CDYL: variants seen among roughly 807,000 people sequenced by gnomAD.
The protein encoded by CDYL is chromodomain Y-like protein.
In CDYL, 8 loss-of-function variants were observed where a neutral mutation model predicts 47.3. The ratio of observed to expected loss-of-function variants is 0.17; its 90% CI spans 0.10 to 0.31. The LOEUF is 0.31. CDYL is among the 10% of genes least tolerant of loss of function. The pLI, the probability that CDYL is intolerant of heterozygous loss-of-function variation, is 1.00. For missense variants in CDYL, 471 were observed against 701.4 expected, an observed-to-expected ratio of 0.67 and a Z score of 3.71; for synonymous variants, 266 against 265.0, an observed-to-expected ratio of 1.00 and a Z score of -0.04.
chr6:4,881,557 T>C (rs1351957629), intron 1 of CDYL, among the ~76,000 whole-genome samples: 1 of 152,210 alleles, frequency 6.6e-6, no homozygotes, highest in East Asian at 1.9e-4. Context: ...TACCACCTTA[T>C]GTAAAGCAGA....
intron 2 of CDYL, chr6:4,928,609 G>C (rs1461489612): frequency 1.3e-5 from 2 of 151,564 alleles, no homozygotes; most frequent in Non-Finnish European, 2.9e-5. Flanking sequence ...GTCTAGTCAG[G>C]GTTAAGTTAT....
intron 2 of CDYL, among the ~76,000 whole-genome samples, chr6:4,731,988 T>C (rs1021885347): frequency 6.6e-6 from 1 of 152,178 alleles, no homozygotes; most frequent in Non-Finnish European, 1.5e-5. Flanking sequence ...ATGTGTGAAA[T>C]ACAAATTTTA....
intron 1 of CDYL, among the ~76,000 whole-genome samples, chr6:4,838,551 C>T (rs1434696736): frequency 6.6e-6 from 1 of 152,116 alleles, no homozygotes; most frequent in Non-Finnish European, 1.5e-5. Flanking sequence ...TACTTGTTGA[C>T]TGATAAGTAT....
At chr6:4,765,060 C>T (rs1044346460) in intron 3 of CDYL, among the ~76,000 whole-genome samples, 3 of 152,110 alleles carry the variant, frequency 2.0e-5, no homozygotes, top group African/African-American at 4.8e-5. Context: ...TGGTGGCTCA[C>T]GCCTGTAATC....
chr6:4,739,538 T>TAAC (rs1561832120), intron 3 of CDYL, among the ~76,000 whole-genome samples: 2 of 142,274 alleles, frequency 1.4e-5, no homozygotes, highest in Non-Finnish European at 1.5e-5. Context: ...AAAAAAAAAG[T>TAAC]TGAGTAAAAA....
intron 1 of CDYL, among the ~76,000 whole-genome samples, chr6:4,852,996 C>T (rs2127464454): frequency 6.6e-6 from 1 of 152,150 alleles, no homozygotes; most frequent in South Asian, 2.1e-4. Context: ...TGCTTTGTTG[C>T]CCAGGCTGGT....
intron 2 of CDYL, among the ~76,000 whole-genome samples, chr6:4,934,483 G>A (rs1370429251): frequency 6.6e-6 from 1 of 152,044 alleles, no homozygotes; most frequent in East Asian, 1.9e-4. Context: ...CTTTCACTTT[G>A]GAGGAAATAT....
chr6:4,807,494 A>C (rs1446333976), intron 1 of CDYL, among the ~76,000 whole-genome samples: 1 of 151,014 alleles, frequency 6.6e-6, no homozygotes, highest in Non-Finnish European at 1.5e-5. Context: ...TGCTTACCTA[A>C]TGGTGATTGT....
intron 2 of CDYL, among the ~76,000 whole-genome samples, chr6:4,904,813 A>G (rs1757177926): frequency 1.3e-5 from 2 of 152,192 alleles, no homozygotes; most frequent in African/African-American, 2.4e-5. Context: ...TCGTACAGCT[A>G]CAGGTTGTAC....
intron 2 of CDYL, chr6:4,734,746 C>T (rs200365119): frequency 1.4e-5 from 23 of 1,613,672 alleles, no homozygotes; most frequent in Non-Finnish European, 1.8e-5. Context: ...GAAACTTTCT[C>T]ATTATTCTGT....
intron 3 of CDYL, among the ~76,000 whole-genome samples, chr6:4,758,785 T>C (rs964522531): frequency 6.6e-6 from 1 of 152,148 alleles, no homozygotes; most frequent in Non-Finnish European, 1.5e-5. Flanking sequence ...TATTTTTCGA[T>C]GTATATTTTT....
intron 1 of CDYL, among the ~76,000 whole-genome samples, chr6:4,891,077 A>G (rs1436316529): frequency 6.6e-6 from 1 of 152,258 alleles, no homozygotes; most frequent in East Asian, 1.9e-4. Context: ...ATCCATTTCA[A>G]TGATTAACAG....
intron 1 of CDYL, among the ~76,000 whole-genome samples, chr6:4,777,446 C>A (rs58544878): frequency 0.2 from 30,260 of 152,134 alleles, 4,347 homozygotes; most frequent in African/African-American, 0.4. Flanking sequence ...ACTGTAAGTT[C>A]TGGTCGATGG....
intron 2 of CDYL, among the ~76,000 whole-genome samples, chr6:4,726,574 A>G (rs1270272295): frequency 6.6e-6 from 1 of 150,898 alleles, no homozygotes; most frequent in Admixed American, 6.6e-5. Flanking sequence ...GCTGGCACAC[A>G]CCTGTGGTCC....
chr6:4,772,907 C>T, upstream of CDYL: 1 of 348,822 alleles, frequency 2.9e-6, no homozygotes, highest in South Asian at 2.2e-5. Context: ...GTCCCATCCC[C>T]CATCTCCCCT....
chr6:4,872,425 A>G (rs1179195212), intron 1 of CDYL, among the ~76,000 whole-genome samples: 1 of 150,416 alleles, frequency 6.6e-6, no homozygotes, highest in Non-Finnish European at 1.5e-5. Flanking sequence ...CTTGTTGCCC[A>G]GGCTGGAGTG....
chr6:4,818,576 G>T (rs1348492737), intron 1 of CDYL, among the ~76,000 whole-genome samples: 2 of 152,118 alleles, frequency 1.3e-5, no homozygotes, highest in Non-Finnish European at 2.9e-5. Flanking sequence ...TGACTTTTGG[G>T]CCACAATTTG....
chr6:4,853,808 TCTC>T (rs1216233064), intron 1 of CDYL, among the ~76,000 whole-genome samples: 1 of 152,228 alleles, frequency 6.6e-6, no homozygotes, highest in African/African-American at 2.4e-5. Context: ...TGCCCCAGCT[TCTC>T]CTGCCATGCC....
In CDYL at chr6:4,776,499, G is replaced by A. The variant is rs1758453237; in HGVS notation, c.-285G>A. 1 of 126,994 alleles carries A rather than the reference G, an allele frequency of 7.9e-6. No homozygotes were observed. The highest frequency in any genetic ancestry group is 7.7e-5 in the Admixed American group (1 of 12,918). 7.9% of individuals were successfully genotyped at this position (126,994 alleles called of 1,614,324 possible). On this transcript the variant is annotated 5_prime_UTR_variant, in exon 1 of 7. Coordinates refer to ENST00000397588, the MANE Select transcript of CDYL (RefSeq NM_004824.4). ...CCGCCGCGCCCGCCCCAGCCCGCCCGGCCCCGCGGCGGGGCGCGATGAGCC... is the reference window on the plus strand; with the variant it reads ...CCGCCGCGCCCGCCCCAGCCCGCCCAGCCCCGCGGCGGGGCGCGATGAGCC...
Sources: allele counts gnomAD v4.1 joint callset (sites outside exome capture counted in the v4.1 genomes callset), GRCh38; gene constraint gnomAD v4.1.1; transcripts MANE v1.5; gene names NCBI Gene and HGNC (gene_info 2026-07-23, HGNC 2026-07-21).